Variants in AFF3 observed in about 807,000 individuals in gnomAD.
AFF3 encodes the protein ALF transcription elongation factor 3, also known as AF4/FMR2 family member 3.
AFF3 carries 32 observed loss-of-function variants against 129.7 expected under a neutral mutation model. The observed-to-expected ratio is 0.25, with a 90% CI of 0.19 to 0.33. The LOEUF is 0.33. AFF3 is among the 10% of genes least tolerant of loss of function. The pLI is 1.00. For synonymous variants in AFF3, 644 were observed against 635.4 expected, an observed-to-expected ratio of 1.01 and a Z score of -0.20; for missense variants, 1,373 against 1,592.0, an observed-to-expected ratio of 0.86 and a Z score of 2.34.
chr2:99,982,959 T>C (rs1200875287), intron 7 of AFF3, among the ~76,000 whole-genome samples: 1 of 152,222 alleles, frequency 6.6e-6, no homozygotes, highest in Non-Finnish European at 1.5e-5. Flanking sequence ...GAACAGGATG[T>C]AATCTTAGTC....
At chr2:99,647,926 T>C (rs1053381837) in intron 13 of AFF3, among the ~76,000 whole-genome samples, 1 of 152,320 alleles carries the variant, frequency 6.6e-6, no homozygotes, top group Admixed American at 6.5e-5. Context: ...AATGGCATTG[T>C]TCATCATTAA....
chr2:99,828,384 G>A (rs531264082), intron 8 of AFF3, among the ~76,000 whole-genome samples: 37 of 152,274 alleles, frequency 2.4e-4, no homozygotes, highest in African/African-American at 7.5e-4. Context: ...CGTCGCAACC[G>A]GCTGGCTGCC....
Position 99,878,964 on chromosome 2 carries a change from G to A in AFF3, c.874-41440C>T, listed in dbSNP as rs145317658. Among the ~76,000 whole-genome samples, 856 of 152,118 alleles carry A rather than the reference G, an allele frequency of 5.6e-3. 5 individuals carry two copies. The highest frequency in any genetic ancestry group is 9.4e-3 in the Non-Finnish European group (639 of 68,002). ...AAAAAAACAACTAGATAACCCTAAG[G>A]CCACAAAATTAGGTAACTTCAGAGA... On this transcript the variant is annotated intron_variant, in intron 7 of 24. Transcript: ENST00000672756.
At chr2:99,801,840 A>G (rs776169242) in intron 8 of AFF3, among the ~76,000 whole-genome samples, 2 of 152,178 alleles carry the variant, frequency 1.3e-5, no homozygotes, top group African/African-American at 2.4e-5. Context: ...TATTATTTCA[A>G]GTCATTAATC....
chr2:100,119,918 G>A (rs1323039462), intron 2 of AFF3, among the ~76,000 whole-genome samples: 6 of 152,154 alleles, frequency 3.9e-5, no homozygotes, highest in Non-Finnish European at 7.4e-5. Context: ...TAACAGAATC[G>A]CTCTGTTAGA....
At chr2:99,798,412 C>T (rs772153521) in intron 8 of AFF3, among the ~76,000 whole-genome samples, 22 of 151,698 alleles carry the variant, frequency 1.5e-4, no homozygotes, top group East Asian at 5.8e-4. Context: ...ATTATTGATA[C>T]GGTTAGGATT....
intron 11 of AFF3, among the ~76,000 whole-genome samples, chr2:99,695,937 T>TAAAAAAAAAAA (rs1491213267): frequency 1.4e-4 from 1 of 7,074 alleles, no homozygotes; most frequent in Non-Finnish European, 2.7e-4. Flanking sequence ...ACTGGAAAAA[T>TAAAAAAAAAAA]GAAAAAAAAA....
intron 8 of AFF3, among the ~76,000 whole-genome samples, chr2:99,816,942 A>C (rs1273121151): frequency 2.6e-5 from 4 of 152,042 alleles, no homozygotes; most frequent in Admixed American, 2.6e-4. Context: ...AGATTAGGGC[A>C]TTTGTTTCTT....
chr2:100,034,859 T>C (rs74847290), intron 4 of AFF3, among the ~76,000 whole-genome samples: 4,431 of 152,308 alleles, frequency 0.029, 212 homozygotes, highest in African/African-American at 0.1. Context: ...GTCATTCACA[T>C]TAACTGCCTC....
chr2:99,823,800 G>A (rs960239597), intron 8 of AFF3, among the ~76,000 whole-genome samples: 4 of 152,134 alleles, frequency 2.6e-5, no homozygotes, highest in Admixed American at 1.3e-4. Context: ...TGTCCCTTGC[G>A]GCAACGTGGA....
intron 8 of AFF3, among the ~76,000 whole-genome samples, chr2:99,767,134 C>T (rs1683083099): frequency 6.6e-6 from 1 of 152,208 alleles, no homozygotes; most frequent in African/African-American, 2.4e-5. Flanking sequence ...CAACCAAACA[C>T]ACATTTAGAC....
rs188907496 is a variant in AFF3 at position 99,912,411 on chromosome 2, T to C, written c.874-74887A>G. 5.4e-4 allele frequency among the ~76,000 whole-genome samples: 83 copies of C among 152,356 alleles called. 1 individual carries two copies. The East Asian group carries it at 0.016, about 29-fold the overall frequency. On this transcript the variant is annotated intron_variant, in intron 7 of 24. Coordinates refer to ENST00000672756, the MANE Select transcript of AFF3 (RefSeq NM_001386135.1). ...GGCATATGTGCTTCCAAATACCGCATAACTTGTTATAACATGTCCTCAAAT... is the reference window on the plus strand; with the variant it reads ...GGCATATGTGCTTCCAAATACCGCACAACTTGTTATAACATGTCCTCAAAT...
At chr2:100,092,270 C>T (rs1204948506) in intron 4 of AFF3, among the ~76,000 whole-genome samples, 3 of 151,836 alleles carry the variant, frequency 2.0e-5, no homozygotes, top group African/African-American at 7.3e-5. Context: ...TCAAAGCACC[C>T]TCATCCCCTT....
At chr2:100,112,380 A>G (rs1260785025) in intron 2 of AFF3, 3 of 152,242 alleles carry the variant, frequency 2.0e-5, no homozygotes, top group African/African-American at 7.2e-5. Context: ...AAAGAAAGAT[A>G]CCTACCTGCT....
intron 19 of AFF3, among the ~76,000 whole-genome samples, chr2:99,566,243 G>C (rs1675952043): frequency 6.6e-6 from 1 of 150,480 alleles, no homozygotes; most frequent in African/African-American, 2.5e-5. Flanking sequence ...ACCACACCTG[G>C]CCTCAATTGT....
chr2:99,772,964 C>T (rs1575935759), intron 8 of AFF3, among the ~76,000 whole-genome samples: 1 of 152,220 alleles, frequency 6.6e-6, no homozygotes, highest in Non-Finnish European at 1.5e-5. Flanking sequence ...TGCTTCCCAC[C>T]ATTCCTCATG....
chr2:99,710,418 G>A lies in AFF3; in HGVS notation c.1091+16659C>T, dbSNP rs117241115. Among the ~76,000 whole-genome samples the A allele has an allele frequency of 4.1e-4, 62 of 152,118 alleles. No homozygotes were observed. The East Asian group carries it at 7.1e-3, about 18-fold the overall frequency. ...ATTACAGGCGTGCGCTACCATGCCC[G>A]ACTAATTTTTGTATTTTTAGTAGAG... is the stretch of plus-strand genomic sequence containing the variant. On this transcript the variant is annotated intron_variant, in intron 11 of 24. Coordinates refer to ENST00000672756, the MANE Select transcript of AFF3 (RefSeq NM_001386135.1).
intron 8 of AFF3, among the ~76,000 whole-genome samples, chr2:99,835,884 G>A (rs918965242): frequency 2.4e-4 from 37 of 152,310 alleles, no homozygotes; most frequent in South Asian, 8.3e-4. Context: ...CTGGCGGTGG[G>A]AGGGAGGGGA....
At chr2:100,008,743 C>T (rs559224590) in intron 5 of AFF3, 69 bp downstream of exon 5, 18 of 1,552,378 alleles carry the variant, frequency 1.2e-5, no homozygotes, top group Non-Finnish European at 1.5e-5. Flanking sequence ...TTCTTTTAGT[C>T]AAGGCCACCG....
Sources: allele counts gnomAD v4.1 joint callset (sites outside exome capture counted in the v4.1 genomes callset), GRCh38; gene constraint gnomAD v4.1.1; transcripts MANE v1.5; gene names NCBI Gene and HGNC (gene_info 2026-07-23, HGNC 2026-07-21).